Variants in DEGS2 observed in about 807,000 individuals in gnomAD.
The protein encoded by DEGS2 is delta 4-desaturase, sphingolipid 2, also known as sphingolipid delta(4)-desaturase/C4-monooxygenase DES2.
A neutral mutation model predicts 23.8 loss-of-function variants in DEGS2; 19 were observed. That is an observed-to-expected ratio of 0.80 (90% CI 0.56 to 1.17). The LOEUF is 1.17. Ranked by LOEUF, DEGS2 falls within the 50% of genes most tolerant of loss-of-function variation. The pLI, the probability that DEGS2 is intolerant of heterozygous loss-of-function variation, is 0.00. For missense variants in DEGS2, 390 were observed against 459.5 expected (o/e 0.85, Z 1.38); for synonymous variants, 218 against 213.7 (o/e 1.02, Z -0.18).
In DEGS2 at chr14:100,158,086, C is replaced by CAA. The variant is rs55666851; in HGVS notation, c.82+1418_82+1419dup. Among the ~76,000 whole-genome samples, 532 of 97,780 alleles carry CAA rather than the reference C, an allele frequency of 5.4e-3. 6 individuals are homozygous for CAA. Among genetic ancestry groups the CAA allele is most frequent in the East Asian group, 9.3e-3 (28 of 3,012 alleles). 64.1% of individuals were successfully genotyped at this position (97,780 alleles called of 152,430 possible). A position where few individuals can be genotyped will look rare whatever the true frequency, so the allele number is the denominator to read the frequency against. ...TGGGCGACAGAGCAAGACTTCCTCT[C>CAA]AAAAAAAAAAAAAAAAAAAAAAAAA... is the stretch of plus-strand genomic sequence containing the variant. On this transcript the variant is annotated intron_variant, in intron 1 of 2. Transcript: ENST00000305631.
At chr14:100,164,407 G>A (rs997966951), upstream of DEGS2, among the ~76,000 whole-genome samples, 1 of 152,036 alleles carries the variant, frequency 6.6e-6, no homozygotes, top group Admixed American at 6.5e-5. Flanking sequence ...AGGCCGAGGC[G>A]GGTGGATTGC....
intron 1 of DEGS2, among the ~76,000 whole-genome samples, chr14:100,154,368 AAAAAG>A (rs911636716): frequency 8.5e-5 from 13 of 152,108 alleles, no homozygotes; most frequent in East Asian, 3.9e-4. Context: ...AAAAAAAAAA[AAAAAG>A]AAAGAAAAAA....
At chr14:100,156,541 G>A (rs73349580) in intron 1 of DEGS2, among the ~76,000 whole-genome samples, 1 of 152,196 alleles carries the variant, frequency 6.6e-6, no homozygotes, top group East Asian at 1.9e-4. Context: ...ATTTGCCCAG[G>A]CCCCAACTCC....
At chr14:100,164,988 TA>T in the DEGS2 span, among the ~76,000 whole-genome samples, 1 of 152,298 alleles carries the variant, frequency 6.6e-6, no homozygotes, top group Non-Finnish European at 1.5e-5. Flanking sequence ...TGGGTGGTAA[TA>T]AAAAATGAAT....
intron 1 of DEGS2, among the ~76,000 whole-genome samples, chr14:100,153,577 C>T (rs1341283287): frequency 2.0e-5 from 3 of 152,162 alleles, no homozygotes; most frequent in African/African-American, 7.2e-5. Flanking sequence ...GGCTAGACAC[C>T]CAAACCTGGC....
At chr14:100,146,952 CCGCACCCGCGAGCACACA>C in intron 2 of DEGS2, 45 bp from the exon 3 acceptor site, 1 of 1,588,288 alleles carries the variant, frequency 6.3e-7, no homozygotes, top group South Asian at 1.1e-5. Context: ...CTCCTCGGGG[CCGCACCCGCGAGCACACA>C]CGCAGACACC....
intron 2 of DEGS2, among the ~76,000 whole-genome samples, chr14:100,147,575 C>T (rs939046493): frequency 2.6e-5 from 4 of 152,002 alleles, no homozygotes; most frequent in East Asian, 1.9e-4. Context: ...CTTCAGCGCC[C>T]GCAACTGCGC....
the DEGS2 span, among the ~76,000 whole-genome samples, chr14:100,166,848 G>A: frequency 6.6e-6 from 1 of 152,228 alleles, no homozygotes; most frequent in African/African-American, 2.4e-5. Context: ...GGAAGTCCGG[G>A]CGCCGTGGCT....
In DEGS2 at chr14:100,149,333, A is replaced by G. The variant is rs774362455; in HGVS notation, c.460T>C (p.Cys154Arg). Residue 154 changes from cysteine to arginine, a missense_variant, in exon 2 of 3, where the codon TGC becomes CGC. Physicochemically the swap from Cys to Arg is radical, Grantham distance 180. Transcript: ENST00000305631. The part of the protein sequence containing the change: ...VPTRLEGWFF[C>R]TPARKLLWLV... ...CAGAGCAGCTTGCGGGCGGGTGTGC[A>G]GAAGAACCAGCCCTCCAGACGCGTG... is the stretch of plus-strand genomic sequence containing the variant. 8.1e-6 allele frequency: 13 copies of G among 1,610,990 alleles called. No individual in the cohort carries two copies. In the East Asian group the frequency reaches 1.8e-4, roughly 22 times the overall value.
chr14:100,161,705 G>A (rs184237647), upstream of DEGS2, among the ~76,000 whole-genome samples: 1 of 152,298 alleles, frequency 6.6e-6, no homozygotes, highest in East Asian at 1.9e-4. Context: ...AAAGGAAACT[G>A]GGTGTGGCAT....
At chr14:100,164,857 C>T in the DEGS2 span, among the ~76,000 whole-genome samples, 2 of 152,226 alleles carry the variant, frequency 1.3e-5, no homozygotes, top group African/African-American at 2.4e-5. Context: ...AATACATGTG[C>T]GAGAATAGTC....
At chr14:100,161,140 G>T (rs1889741392), upstream of DEGS2, among the ~76,000 whole-genome samples, 1 of 152,184 alleles carries the variant, frequency 6.6e-6, no homozygotes, top group South Asian at 2.1e-4. Context: ...CCTGACCTTT[G>T]AATTAAAAAG....
In DEGS2 at chr14:100,146,690, T is replaced by G. The variant is rs926860752; in HGVS notation, c.*71A>C. ...CCAGAGCACAGGAAGGAAATGTAGC[T>G]TCTCAGTGCTGGGGTGCAAGGCTGA... is the stretch of plus-strand genomic sequence containing the variant. On this transcript the variant is annotated 3_prime_UTR_variant, in exon 3 of 3. Transcript: ENST00000305631. 5.8e-6 allele frequency: 9 copies of G among 1,563,744 alleles called. No individual in the cohort carries two copies. The highest frequency in any genetic ancestry group is 7.8e-6 in the Non-Finnish European group (9 of 1,154,500).
At chr14:100,153,764 C>G (rs890098688) in intron 1 of DEGS2, among the ~76,000 whole-genome samples, 1 of 152,224 alleles carries the variant, frequency 6.6e-6, no homozygotes, top group African/African-American at 2.4e-5. Flanking sequence ...AACCAAGATA[C>G]ACAGACCCAC....
At chr14:100,158,494 G>A (rs1214678016) in intron 1 of DEGS2, among the ~76,000 whole-genome samples, 2 of 152,162 alleles carry the variant, frequency 1.3e-5, no homozygotes, top group Non-Finnish European at 2.9e-5. Flanking sequence ...CCTGGGAGGC[G>A]GGGGTCGCAG....
rs762350468 is a variant in DEGS2, at chr14:100,149,448, G to A, written c.345C>T (p.Pro115=). 25 of 1,596,736 alleles carry A rather than the reference G, an allele frequency of 1.6e-5. No homozygotes were observed. The highest frequency in any genetic ancestry group is 1.7e-4 in the Middle Eastern group (1 of 6,036). The change falls in exon 2 of 3, where the codon CCC becomes CCT. Residue 115 remains proline, a synonymous_variant. Transcript: ENST00000305631. The stretch of plus-strand genomic sequence containing the variant: ...AGGAGGCGGCGTAGGGCACACCCAC[G>A]GGCAGGTTGGCGAACACGGCCAGCC... The part of the protein sequence containing the change: ...NRWLAVFANL[P]VGVPYAASFK...
At chr14:100,162,567 C>A (rs1367714490), upstream of DEGS2, among the ~76,000 whole-genome samples, 2 of 151,936 alleles carry the variant, frequency 1.3e-5, no homozygotes, top group Non-Finnish European at 2.9e-5. Flanking sequence ...CCGCGCTCAG[C>A]CAAAATATAG....
chr14:100,161,083 C>G (rs535342741), upstream of DEGS2, among the ~76,000 whole-genome samples: 1 of 152,352 alleles, frequency 6.6e-6, no homozygotes, highest in East Asian at 1.9e-4. Context: ...AGCGCCTTGC[C>G]TGAGGCACAG....
rs7147568 is a variant in DEGS2, at chr14:100,145,612, C to T, written c.*1149G>A. On this transcript the variant is annotated 3_prime_UTR_variant, in exon 3 of 3. Coordinates refer to ENST00000305631, the MANE Select transcript of DEGS2 (RefSeq NM_206918.3). ...GAGGCTGAGGCCGCCTTCCCCAAGG[C>T]AGTGGTGGGAGCTGCATCCACTGCT... 89,860 of 151,928 alleles carry T rather than the reference C, an allele frequency of 0.59. 28,532 individuals are homozygous for T. The highest frequency in any genetic ancestry group is 0.68 in the Non-Finnish European group (46,348 of 67,914). The allele number at this position is 151,928 out of a possible 1,614,324, so 9.4% of individuals were successfully genotyped here. A position where few individuals can be genotyped will look rare whatever the true frequency, so the allele number is the denominator to read the frequency against.
Sources: gnomAD v4.1 joint callset for allele counts (sites outside exome capture counted in the v4.1 genomes callset) on GRCh38, gnomAD v4.1.1 for gene constraint, MANE v1.5 for transcripts, NCBI Gene and HGNC (gene_info 2026-07-23, HGNC 2026-07-21) for gene names.